Variants in DENND5B observed in about 807,000 individuals in gnomAD.
The protein encoded by DENND5B is DENN domain-containing protein 5B.
A neutral mutation model predicts 140.6 loss-of-function variants in DENND5B; 34 were observed. That is an observed-to-expected ratio of 0.24 (90% CI 0.18 to 0.32). The LOEUF (loss-of-function observed/expected upper bound fraction) is 0.32. Ranked by LOEUF, DENND5B falls within the 10% of genes least tolerant of loss-of-function variation. DENND5B has a pLI of 1.00. For synonymous variants in DENND5B, 551 were observed against 562.1 expected (o/e 0.98, Z 0.28); for missense variants, 1,142 against 1,560.2 (o/e 0.73, Z 4.52).
chr12:31,501,083 C>T (rs529942900), intron 1 of DENND5B, among the ~76,000 whole-genome samples: 2 of 152,172 alleles, frequency 1.3e-5, no homozygotes, highest in South Asian at 4.1e-4. Flanking sequence ...AGAAAAAAGA[C>T]TGATATGGTT....
At chr12:31,471,924 A>G (rs554568347) in intron 3 of DENND5B, among the ~76,000 whole-genome samples, 1 of 152,134 alleles carries the variant, frequency 6.6e-6, no homozygotes, top group Non-Finnish European at 1.5e-5. Context: ...TTGAGAAGGG[A>G]GACTGCCCAA....
Position 31,508,694 on chromosome 12 carries a change from C to T in DENND5B, c.128-12775G>A, listed in dbSNP as rs943649799. On this transcript the variant is annotated intron_variant, in intron 1 of 20. Coordinates refer to ENST00000389082, the MANE Select transcript of DENND5B (RefSeq NM_144973.4). ...TAAACAAAAGCAGTTATCTGAGTCT[C>T]TCTGCGTTAGTGTGTGGCCTTTCAT... Among the ~76,000 whole-genome samples the T allele has an allele frequency of 5.5e-4, 84 of 152,208 alleles. 1 individual carries two copies. Among genetic ancestry groups the T allele is most frequent in the African/African-American group, 2.0e-3 (81 of 41,452 alleles).
chr12:31,570,149 C>T (rs1046167266), intron 1 of DENND5B, among the ~76,000 whole-genome samples: 7 of 148,296 alleles, frequency 4.7e-5, no homozygotes, highest in East Asian at 4.0e-4. Flanking sequence ...GAGCCAAGAT[C>T]GCCAACACTG....
chr12:31,462,968 C>A (rs1174458421), intron 3 of DENND5B, among the ~76,000 whole-genome samples: 1 of 149,734 alleles, frequency 6.7e-6, no homozygotes, highest in Admixed American at 6.7e-5. Flanking sequence ...GAAAAAAAAA[C>A]AAAAAACAAA....
At chr12:31,388,284 A>G (rs9669480) in intron 20 of DENND5B, among the ~76,000 whole-genome samples, 25,561 of 148,566 alleles carry the variant, frequency 0.17, 2,802 homozygotes, top group African/African-American at 0.3. Flanking sequence ...GAACAAAATC[A>G]AAGCAGAAAA....
intron 7 of DENND5B, among the ~76,000 whole-genome samples, chr12:31,437,243 T>C (rs793145): frequency 0.92 from 140,042 of 151,834 alleles, 65,167 homozygotes; most frequent in East Asian, 0.99. Context: ...CCCGGGTTCA[T>C]GCCATTCTCC....
chr12:31,445,372 C>G (rs1162965321), intron 6 of DENND5B, among the ~76,000 whole-genome samples: 1 of 152,100 alleles, frequency 6.6e-6, no homozygotes, highest in East Asian at 1.9e-4. Context: ...TCAGTTTTCT[C>G]AATTGTAAAA....
At chr12:31,470,234 C>A (rs1376553025) in intron 3 of DENND5B, among the ~76,000 whole-genome samples, 2 of 151,356 alleles carry the variant, frequency 1.3e-5, no homozygotes, top group East Asian at 1.9e-4. Context: ...CCTGCCTCAG[C>A]CTCCCGAGTA....
At chr12:31,423,501 T>G (rs1943115014) in intron 11 of DENND5B, 96 bp downstream of exon 11, 4 of 1,300,474 alleles carry the variant, frequency 3.1e-6, no homozygotes, top group Non-Finnish European at 4.3e-6. Flanking sequence ...AATGAGTAAA[T>G]TTTAGCTTGA....
At chr12:31,469,652 CG>C (rs1409875255) in intron 3 of DENND5B, among the ~76,000 whole-genome samples, 1 of 152,108 alleles carries the variant, frequency 6.6e-6, no homozygotes, top group Non-Finnish European at 1.5e-5. Flanking sequence ...CCTGGTGCTA[CG>C]GTTTGGACAT....
chr12:31,391,907 G>T (rs941524210), intron 19 of DENND5B, among the ~76,000 whole-genome samples: 4 of 152,058 alleles, frequency 2.6e-5, no homozygotes, highest in Non-Finnish European at 4.4e-5. Context: ...TTGGGAGGCT[G>T]AGGCGGGTGG....
intron 7 of DENND5B, 54 bp downstream of exon 7, chr12:31,442,720 AC>A: frequency 6.4e-7 from 1 of 1,569,700 alleles, no homozygotes. Flanking sequence ...GTTGCAGAGC[AC>A]CCCACCCTTC....
At chr12:31,423,437 G>T in intron 11 of DENND5B, 160 bp downstream of exon 11, 1 of 243,710 alleles carries the variant, frequency 4.1e-6, no homozygotes, top group Non-Finnish European at 6.6e-6. Flanking sequence ...CTTTTCCCAG[G>T]TCTCACAGTT....
chr12:31,410,549 G>A (rs1380242029), intron 13 of DENND5B, among the ~76,000 whole-genome samples: 1 of 152,008 alleles, frequency 6.6e-6, no homozygotes, highest in Non-Finnish European at 1.5e-5. Context: ...GGGACCACAG[G>A]TGCACGCTAC....
chr12:31,565,773 T>C (rs555968686), intron 1 of DENND5B, among the ~76,000 whole-genome samples: 2 of 152,226 alleles, frequency 1.3e-5, no homozygotes, highest in Non-Finnish European at 2.9e-5. Flanking sequence ...AATGCAAACT[T>C]AGGTAATTCA....
chr12:31,584,483 G>C (rs1244539403), intron 1 of DENND5B, among the ~76,000 whole-genome samples: 1 of 152,160 alleles, frequency 6.6e-6, no homozygotes, highest in Non-Finnish European at 1.5e-5. Flanking sequence ...TTTTCGTGTT[G>C]CTATAAAGAA....
intron 1 of DENND5B, among the ~76,000 whole-genome samples, chr12:31,550,221 C>T (rs1309225311): frequency 8.9e-6 from 1 of 112,250 alleles, no homozygotes; most frequent in African/African-American, 3.3e-5. Flanking sequence ...CCCCTCCCCC[C>T]ACCCCACAAC....
At position 31,394,501 on chromosome 12, in the gene DENND5B, C is replaced by G. The variant is rs151111570; in HGVS notation, c.3257-1805G>C. On this transcript the variant is annotated intron_variant, in intron 17 of 20. Transcript: ENST00000389082. ...TTTAAATCAGCATAATTAAAATTCACCATGTAATAAAAGTCACCAATTTTG... is the reference window on the plus strand; with the variant it reads ...TTTAAATCAGCATAATTAAAATTCAGCATGTAATAAAAGTCACCAATTTTG... 3.1e-3 allele frequency among the ~76,000 whole-genome samples: 476 copies of G among 152,228 alleles called. 4 individuals carry two copies. Among genetic ancestry groups the G allele is most frequent in the African/African-American group, 0.011 (442 of 41,542 alleles).
At chr12:31,389,025 C>T (rs992655535) in intron 20 of DENND5B, among the ~76,000 whole-genome samples, 5 of 152,236 alleles carry the variant, frequency 3.3e-5, no homozygotes, top group South Asian at 2.1e-4. Context: ...TGCTAACTTA[C>T]GTGTGCCTCA....
Sources: gnomAD v4.1 joint callset for allele counts (sites outside exome capture counted in the v4.1 genomes callset) on GRCh38, gnomAD v4.1.1 for gene constraint, MANE v1.5 for transcripts, NCBI Gene and HGNC (gene_info 2026-07-23, HGNC 2026-07-21) for gene names.